The following PSMD14 variants were observed in gnomAD, a reference collection of about 807,000 sequenced individuals.
PSMD14 encodes proteasome 26S subunit, non-ATPase 14, also known as ubiquitin C-terminal hydrolase PSMD14.
PSMD14 carries 7 observed loss-of-function variants against 41.2 expected under a neutral mutation model. That is an observed-to-expected ratio of 0.17 (90% CI 0.10 to 0.32). The LOEUF is 0.32. Ranked by LOEUF, PSMD14 falls within the 10% of genes least tolerant of loss-of-function variation. The pLI, the probability that PSMD14 is intolerant of heterozygous loss-of-function variation, is 1.00. For synonymous variants in PSMD14, 114 were observed against 122.3 expected, an observed-to-expected ratio of 0.93 and a Z score of 0.45; for missense variants, 139 against 375.6, an observed-to-expected ratio of 0.37 and a Z score of 5.21.
intron 8 of PSMD14, 132 bp from the exon 9 acceptor site, chr2:161,390,972 A>T: frequency 1.2e-6 from 1 of 851,164 alleles, no homozygotes; most frequent in Non-Finnish European, 1.6e-6. Context: ...ATTTCATCTT[A>T]ATTTACTTGA....
chr2:161,314,977 A>C (rs528868817), intron 1 of PSMD14, among the ~76,000 whole-genome samples: 1 of 152,290 alleles, frequency 6.6e-6, no homozygotes, highest in East Asian at 1.9e-4. Flanking sequence ...TTTTTGAGGA[A>C]CTGCCAAACT....
intron 7 of PSMD14, among the ~76,000 whole-genome samples, chr2:161,378,344 A>G (rs1683529022): frequency 6.6e-6 from 1 of 151,960 alleles, no homozygotes; most frequent in Non-Finnish European, 1.5e-5. Context: ...TATTTCATGA[A>G]CTCAGAACTG....
At chr2:161,347,977 T>C (rs1239863205) in intron 3 of PSMD14, among the ~76,000 whole-genome samples, 1 of 152,204 alleles carries the variant, frequency 6.6e-6, no homozygotes, top group African/African-American at 2.4e-5. Flanking sequence ...TAGTCAATTA[T>C]GTGAGCTTTG....
chr2:161,392,290 C>T (rs1419241017), intron 9 of PSMD14, among the ~76,000 whole-genome samples: 2 of 152,088 alleles, frequency 1.3e-5, no homozygotes, highest in Non-Finnish European at 2.9e-5. Flanking sequence ...GATTGATAGC[C>T]AGTAAGTTTT....
At chr2:161,406,148 C>T (rs530607715) in intron 10 of PSMD14, among the ~76,000 whole-genome samples, 26 of 152,130 alleles carry the variant, frequency 1.7e-4, no homozygotes, top group African/African-American at 6.0e-4. Context: ...AGAAACTTGA[C>T]CATTAGCAGA....
At chr2:161,346,324 T>C (rs551444407) in intron 3 of PSMD14, among the ~76,000 whole-genome samples, 2 of 152,306 alleles carry the variant, frequency 1.3e-5, no homozygotes, top group Admixed American at 1.3e-4. Flanking sequence ...TGCTTTATCC[T>C]ATTGCTAGTG....
At chr2:161,314,054 A>C (rs1689121930) in intron 1 of PSMD14, among the ~76,000 whole-genome samples, 1 of 152,214 alleles carries the variant, frequency 6.6e-6, no homozygotes, top group African/African-American at 2.4e-5. Flanking sequence ...TTTGTTGAAG[A>C]TAGGATGGCC....
chr2:161,397,570 G>T (rs1284303266), intron 10 of PSMD14, among the ~76,000 whole-genome samples: 1 of 152,188 alleles, frequency 6.6e-6, no homozygotes, highest in Non-Finnish European at 1.5e-5. Context: ...CAGGATCATA[G>T]TTAAGATTGT....
At chr2:161,332,299 ATTTC>A (rs1682805439) in intron 3 of PSMD14, among the ~76,000 whole-genome samples, 1 of 152,236 alleles carries the variant, frequency 6.6e-6, no homozygotes, top group African/African-American at 2.4e-5. Flanking sequence ...GAAGGTTTAC[ATTTC>A]TTACTTTTTT....
chr2:161,369,882 A>G (rs1275008744), intron 5 of PSMD14, among the ~76,000 whole-genome samples: 1 of 152,050 alleles, frequency 6.6e-6, no homozygotes, highest in Non-Finnish European at 1.5e-5. Context: ...ATATACTCTT[A>G]AAGAATCCTG....
intron 10 of PSMD14, among the ~76,000 whole-genome samples, chr2:161,406,543 A>T (rs887325703): frequency 6.6e-6 from 1 of 152,172 alleles, no homozygotes; most frequent in African/African-American, 2.4e-5. Context: ...CCAGATTAGA[A>T]CTGTGAATGA....
intron 1 of PSMD14, among the ~76,000 whole-genome samples, chr2:161,312,139 A>C (rs1291872622): frequency 6.6e-6 from 1 of 151,916 alleles, no homozygotes. Context: ...ATCAGTCTGA[A>C]AAGTAATTTT....
At chr2:161,351,216 G>A (rs1683114233) in intron 3 of PSMD14, among the ~76,000 whole-genome samples, 1 of 152,168 alleles carries the variant, frequency 6.6e-6, no homozygotes, top group Non-Finnish European at 1.5e-5. Flanking sequence ...GGATCATCTG[G>A]GAGCTTTCTA....
intron 3 of PSMD14, chr2:161,340,996 C>T (rs1163501663): frequency 1.2e-6 from 2 of 1,611,906 alleles, no homozygotes; most frequent in Non-Finnish European, 1.7e-6. Flanking sequence ...TGCCTCGCCT[C>T]CACCGCCTGC....
intron 3 of PSMD14, among the ~76,000 whole-genome samples, chr2:161,352,402 G>C (rs1379930143): frequency 6.6e-6 from 1 of 152,110 alleles, no homozygotes; most frequent in Admixed American, 6.5e-5. Context: ...TTTCTGGGGA[G>C]GCGCTTTGAA....
chr2:161,317,399 T>A (rs1574112854), intron 2 of PSMD14, among the ~76,000 whole-genome samples: 1 of 152,226 alleles, frequency 6.6e-6, no homozygotes, highest in Non-Finnish European at 1.5e-5. Flanking sequence ...ATTCCGTTTA[T>A]GTAAAATTCA....
chr2:161,315,912 C>G (rs1280858721), intron 1 of PSMD14, among the ~76,000 whole-genome samples: 1 of 146,136 alleles, frequency 6.8e-6, no homozygotes, highest in African/African-American at 2.5e-5. Context: ...GGCGCGTTCT[C>G]GGCTCATTGC....
intron 3 of PSMD14, among the ~76,000 whole-genome samples, chr2:161,361,553 A>G (rs535763499): frequency 2.0e-5 from 3 of 152,284 alleles, no homozygotes; most frequent in East Asian, 3.9e-4. Context: ...TATAACTCTA[A>G]CATAATGATA....
At chr2:161,348,664 G>A (rs1232174526) in intron 3 of PSMD14, among the ~76,000 whole-genome samples, 1 of 152,176 alleles carries the variant, frequency 6.6e-6, no homozygotes, top group Non-Finnish European at 1.5e-5. Flanking sequence ...CATGTTATTT[G>A]TGTATACTTA....
Sources: allele counts gnomAD v4.1 joint callset (sites outside exome capture counted in the v4.1 genomes callset), GRCh38; gene constraint gnomAD v4.1.1; transcripts MANE v1.5; gene names NCBI Gene and HGNC (gene_info 2026-07-23, HGNC 2026-07-21).